POMZP3: variants seen among roughly 807,000 people sequenced by gnomAD.
POMZP3 encodes the protein POM121 and ZP3 fusion.
POMZP3 carries 10 observed loss-of-function variants against 19.8 expected under a neutral mutation model. The observed-to-expected ratio is 0.51, with a 90% confidence interval of 0.31 to 0.86. POMZP3 has a LOEUF of 0.86. Among genes scored for constraint, POMZP3 ranks in the 40% least tolerant of loss-of-function variants. POMZP3 has a pLI of 0.04. For synonymous variants in POMZP3, 57 were observed against 85.8 expected (o/e 0.66, Z 1.85); for missense variants, 152 against 228.1 (o/e 0.67, Z 2.15).
Position 76,619,387 on chromosome 7 carries a change from TTAAAATAAAA to T in POMZP3, c.228-1097_228-1088del, listed in dbSNP as rs66520553. On this transcript the variant is annotated intron_variant, in intron 3 of 6. Coordinates refer to ENST00000310842, the MANE Select transcript of POMZP3 (RefSeq NM_012230.5). ...TGGGCAACAGAGTGAGACTCTGTCT[TTAAAATAAAA>T]TAAAATAAAATAAAATAGGGCTCTC... 1.3e-3 allele frequency among the ~76,000 whole-genome samples: 191 copies of T among 147,534 alleles called. 1 individual carries two copies. Among genetic ancestry groups the T allele is most frequent in the African/African-American group, 3.8e-3 (148 of 39,054 alleles).
chr7:76,613,504 A>AC lies in POMZP3; in HGVS notation c.346-1692dup, dbSNP rs1216549715. ...ACTACCCTGTAAGCACTGCCCCCCT[A>AC]CCCTTTTTTTTTTTTTTTTTTCTGA... On this transcript the variant is annotated intron_variant, in intron 4 of 6. Transcript: ENST00000310842. Among the ~76,000 whole-genome samples the AC allele has an allele frequency of 5.0e-5, 2 of 39,650 alleles. 1 individual carries two copies. The highest frequency in any genetic ancestry group is 2.4e-4 in the African/African-American group (2 of 8,326). The allele number at this position is 39,650 out of a possible 152,430, so 26.0% of individuals were successfully genotyped here.
Position 76,611,436 on chromosome 7 carries a change from G to A in POMZP3, c.*11+18C>T, listed in dbSNP as rs188172114. ...AGTAAGGGACAATGAACAGCCTCTT[G>A]GCCATTCTATGACATACCATGCCTG... On this transcript the variant is annotated intron_variant, in intron 6 of 6. Coordinates refer to ENST00000310842, the MANE Select transcript of POMZP3 (RefSeq NM_012230.5). 50 of 1,537,294 alleles carry A rather than the reference G, an allele frequency of 3.3e-5. 1 individual carries two copies. In the Middle Eastern group the frequency reaches 7.1e-4, roughly 22 times the overall value.
chr7:76,624,726 G>A (rs543885712), intron 3 of POMZP3, among the ~76,000 whole-genome samples: 22 of 150,892 alleles, frequency 1.5e-4, no homozygotes, highest in African/African-American at 1.9e-4. Flanking sequence ...GATTATAGGC[G>A]TGAGCCACCT....
chr7:76,610,495 TAAA>T (rs898459187), intron 6 of POMZP3, among the ~76,000 whole-genome samples: 1 of 150,868 alleles, frequency 6.6e-6, no homozygotes, highest in African/African-American at 2.4e-5. Context: ...CTACTGAAAA[TAAA>T]AAAGTTAACT....
Position 76,619,343 on chromosome 7 carries a change from G to T in POMZP3, c.228-1043C>A, listed in dbSNP as rs1034135659. 7.2e-5 allele frequency among the ~76,000 whole-genome samples: 11 copies of T among 152,046 alleles called. 1 individual carries two copies. In the South Asian group the frequency reaches 2.3e-3, roughly 32 times the overall value. The stretch of plus-strand genomic sequence containing the variant: ...GCAGAGGTTGCAGTGAGCCGAGATC[G>T]TGCCATTGCACTCCAGCCTGGGCAA... On this transcript the variant is annotated intron_variant, in intron 3 of 6. Coordinates refer to ENST00000310842, the MANE Select transcript of POMZP3 (RefSeq NM_012230.5).
intron 3 of POMZP3, among the ~76,000 whole-genome samples, chr7:76,619,252 G>C (rs1200626679): frequency 6.6e-6 from 1 of 152,140 alleles, no homozygotes; most frequent in Non-Finnish European, 1.5e-5. Flanking sequence ...GCCAGGCGTG[G>C]TGGCATGCGC....
chr7:76,611,986 G>A (rs1377336990), intron 4 of POMZP3, among the ~76,000 whole-genome samples, 173 bp from the exon 5 acceptor site: 1 of 151,186 alleles, frequency 6.6e-6, no homozygotes, highest in African/African-American at 2.5e-5. Context: ...ATCACCTGAG[G>A]TCAGGAGTTC....
At chr7:76,626,252 A>G in intron 1 of POMZP3, 37 bp from the exon 2 acceptor site, 1 of 1,503,268 alleles carries the variant, frequency 6.7e-7, no homozygotes, top group Non-Finnish European at 9.0e-7. Flanking sequence ...GAAACAAAGT[A>G]TAAAAGAATG....
intron 4 of POMZP3, among the ~76,000 whole-genome samples, chr7:76,616,182 G>T (rs1015571298): frequency 4.9e-5 from 7 of 143,418 alleles, no homozygotes; most frequent in Admixed American, 2.1e-4. Flanking sequence ...TACTCAGGAG[G>T]CTGAGGCAGG....
rs545287326 is a variant in POMZP3, at chr7:76,618,932, C to T, written c.228-632G>A. Among the ~76,000 whole-genome samples the T allele has an allele frequency of 1.5e-3, 221 of 152,178 alleles. 3 individuals are homozygous for T. The highest frequency in any genetic ancestry group is 3.5e-3 in the Admixed American group (53 of 15,264). On this transcript the variant is annotated intron_variant, in intron 3 of 6. Coordinates refer to ENST00000310842, the MANE Select transcript of POMZP3 (RefSeq NM_012230.5). ...CCTCCTGAGTAGCTGGGACTACAAG[C>T]GTGCACCACCATGTCAGGCCGATTT...
At chr7:76,625,132 CAAAAA>C (rs59816962) in intron 3 of POMZP3, among the ~76,000 whole-genome samples, 1 of 54,382 alleles carries the variant, frequency 1.8e-5, no homozygotes, top group Non-Finnish European at 3.5e-5. Flanking sequence ...GACTCCAACT[CAAAAA>C]AAAAAAAAAA....
Position 76,616,378 on chromosome 7 carries a change from T to C in POMZP3, c.345+1805A>G, listed in dbSNP as rs191740242. On this transcript the variant is annotated intron_variant, in intron 4 of 6. Transcript: ENST00000310842. ...CAAACACCTATGAAGATTTAGTTAA[T>C]GTTACAAAATGTGACACCAGGCCCT... is the stretch of plus-strand genomic sequence containing the variant. 5.1e-3 allele frequency among the ~76,000 whole-genome samples: 525 copies of C among 102,602 alleles called. 67 individuals carry two copies. Among genetic ancestry groups the C allele is most frequent in the South Asian group, 0.016 (48 of 3,038 alleles). 67.3% of individuals were successfully genotyped at this position (102,602 alleles called of 152,430 possible).
rs1295627649 is a variant in POMZP3 at position 76,625,693 on chromosome 7, AAGAC to A, written c.66-14_66-11del. On this transcript the variant is annotated splice_polypyrimidine_tract_variant and intron_variant, in intron 2 of 6. Coordinates refer to ENST00000310842, the MANE Select transcript of POMZP3 (RefSeq NM_012230.5). Reference sequence around the variant, plus strand: ...GATTATCTGCTCTGGTCTATAATGAAAGACAGGATTCTAGCAGTAAGATATTTTA... The same window carrying A: ...GATTATCTGCTCTGGTCTATAATGAAAGGATTCTAGCAGTAAGATATTTTA... 7 of 1,611,796 alleles carry A rather than the reference AAGAC, an allele frequency of 4.3e-6. No individual in the cohort carries two copies. The highest frequency in any genetic ancestry group is 2.7e-5 in the African/African-American group (2 of 74,736).
chr7:76,619,458 C>T (rs547607343), intron 3 of POMZP3, among the ~76,000 whole-genome samples: 92 of 151,326 alleles, frequency 6.1e-4, no homozygotes, highest in South Asian at 3.3e-3. Flanking sequence ...CCACAACATA[C>T]ACAGTAGGGC....
Position 76,613,374 on chromosome 7 carries a change from C to T in POMZP3, c.346-1561G>A, listed in dbSNP as rs535193328. ...AGGCTGATACCCTGACAGTCCTGGCCTCTGGGAAACGTTTACCCACCCTCG... is the reference window on the plus strand; with the variant it reads ...AGGCTGATACCCTGACAGTCCTGGCTTCTGGGAAACGTTTACCCACCCTCG... On this transcript the variant is annotated intron_variant, in intron 4 of 6. Coordinates refer to ENST00000310842, the MANE Select transcript of POMZP3 (RefSeq NM_012230.5). Among the ~76,000 whole-genome samples, 681 of 121,952 alleles carry T rather than the reference C, an allele frequency of 5.6e-3. 11 individuals are homozygous for T. Among genetic ancestry groups the T allele is most frequent in the African/African-American group, 0.019 (659 of 34,864 alleles). 80.0% of individuals were successfully genotyped at this position (121,952 alleles called of 152,430 possible).
intron 4 of POMZP3, among the ~76,000 whole-genome samples, chr7:76,613,284 C>G (rs1283346130): frequency 1.5e-5 from 1 of 66,698 alleles, no homozygotes; most frequent in African/African-American, 5.8e-5. Flanking sequence ...CATACCTCTG[C>G]TATTAGTCAA....
At chr7:76,623,999 G>A (rs548204584) in intron 3 of POMZP3, among the ~76,000 whole-genome samples, 4 of 143,314 alleles carry the variant, frequency 2.8e-5, no homozygotes, top group African/African-American at 1.1e-4. Context: ...TAGGAGAGAC[G>A]TGAAAAAAAG....
At chr7:76,612,047 A>C (rs930977214) in intron 4 of POMZP3, among the ~76,000 whole-genome samples, 1 of 147,602 alleles carries the variant, frequency 6.8e-6, no homozygotes, top group African/African-American at 2.6e-5. Flanking sequence ...AAAAATACAA[A>C]GTTAGCTGGG....
chr7:76,614,880 A>ACACAGGG (rs1815238317), intron 4 of POMZP3, among the ~76,000 whole-genome samples: 2 of 98,314 alleles, frequency 2.0e-5, no homozygotes, highest in African/African-American at 8.8e-5. Flanking sequence ...AAAAAAAAGT[A>ACACAGGG]CACAGGGTCT....
Sources: allele counts gnomAD v4.1 joint callset (sites outside exome capture counted in the v4.1 genomes callset), GRCh38; gene constraint gnomAD v4.1.1; transcripts MANE v1.5; gene names NCBI Gene and HGNC (gene_info 2026-07-23, HGNC 2026-07-21).